EP400: variants seen among roughly 807,000 people sequenced by gnomAD.
EP400 encodes E1A-binding protein p400.
EP400 carries 105 observed loss-of-function variants against 354.1 expected under a neutral mutation model. That is an observed-to-expected ratio of 0.30 (90% CI 0.25 to 0.35). The LOEUF is 0.35. EP400 is among the 10% of genes least tolerant of loss of function. The probability of loss-of-function intolerance (pLI) is 1.00; values close to 1 mark genes in which losing one functional copy is unlikely to be tolerated. For synonymous variants in EP400, 1,646 were observed against 1,716.9 expected, an observed-to-expected ratio of 0.96 and a Z score of 1.02; for missense variants, 3,280 against 4,121.0, an observed-to-expected ratio of 0.80 and a Z score of 5.59.
intron 2 of EP400, among the ~76,000 whole-genome samples, chr12:131,978,441 A>G (rs959937351): frequency 6.6e-6 from 1 of 152,154 alleles, no homozygotes; most frequent in Non-Finnish European, 1.5e-5. Context: ...TTTTGTCTCT[A>G]TAGTTTTGCC....
chr12:132,014,432 C>T (rs1388741378), intron 19 of EP400, among the ~76,000 whole-genome samples: 1 of 152,174 alleles, frequency 6.6e-6, no homozygotes, highest in Admixed American at 6.5e-5. Flanking sequence ...GTGCTGGTGC[C>T]AGAAGCTGTG....
At chr12:131,991,487 A>G (rs1437911597) in intron 10 of EP400, 31 bp downstream of exon 10, 1 of 1,607,866 alleles carries the variant, frequency 6.2e-7, no homozygotes, top group African/African-American at 1.3e-5. Flanking sequence ...GTGCTGTGTG[A>G]GAAGGAGTAG....
chr12:131,974,882 C>T (rs895740153), intron 2 of EP400, among the ~76,000 whole-genome samples: 7 of 147,314 alleles, frequency 4.8e-5, no homozygotes, highest in Non-Finnish European at 7.4e-5. Context: ...TCCAGCTACT[C>T]GGGAGGCTGA....
Position 132,062,629 on chromosome 12 carries a change from G to A in EP400, c.8262G>A (p.Gln2754=), listed in dbSNP as rs1376974461. The A allele has an allele frequency of 1.2e-6, 2 of 1,613,990 alleles. No homozygotes were observed. Among genetic ancestry groups the A allele is most frequent in the South Asian group, 2.2e-5 (2 of 91,072 alleles). The change falls in exon 47 of 53, where the codon CAG becomes CAA. Residue 2754 remains glutamine, a synonymous_variant. Coordinates refer to ENST00000389561, the MANE Select transcript of EP400 (RefSeq NM_015409.5). ...AGCAACAGACGACGACGACCTCTCA[G>A]GTGCAAGTTCCACAGATCCAGGGCC... ...QQQQQTTTTS[Q]VQVPQIQGQA...
intron 47 of EP400, 79 bp from the exon 48 acceptor site, chr12:132,064,589 G>A (rs2136610569): frequency 7.1e-6 from 11 of 1,542,570 alleles, no homozygotes; most frequent in East Asian, 4.5e-5. Context: ...CAGTAGAGGG[G>A]TGGCTTAGGA....
At chr12:132,024,001 C>T in intron 24 of EP400, 60 bp downstream of exon 24, 1 of 1,471,668 alleles carries the variant, frequency 6.8e-7, no homozygotes. Flanking sequence ...TCACCATGAG[C>T]CCTGCTGCCC....
At chr12:131,980,907 C>T (rs1001166494) in intron 3 of EP400, among the ~76,000 whole-genome samples, 35 of 152,138 alleles carry the variant, frequency 2.3e-4, no homozygotes, top group Non-Finnish European at 1.2e-4. Flanking sequence ...TAGATCAAAG[C>T]GCAGATGTAG....
In EP400 at chr12:132,045,405, A is replaced by C; in HGVS notation, c.6871A>C (p.Lys2291Gln). Residue 2291 changes from lysine (K) to glutamine (Q), a missense_variant, in exon 38 of 53, where the codon AAA (lysine) becomes CAA (glutamine). Lys to Gln is a moderately conservative substitution (Grantham distance 53). Around this residue, in one of 20 missense-constraint regions of EP400, gnomAD observed 231 missense variants for 257.9 expected, o/e 0.90. Transcript: ENST00000389561. ...TGACCGCGCAACACCAGGACTTCTG[A>C]AAATTCGCAGAGAGGGCAAGGAGCA... The part of the protein sequence containing the change: ...LFDRATPGLL[K>Q]IRREGKEQKK... 6.2e-7 allele frequency: 1 copy of C among 1,614,246 alleles called. No individual in the cohort carries two copies. The highest frequency in any genetic ancestry group is 8.5e-7 in the Non-Finnish European group (1 of 1,180,044).
At chr12:131,953,448 C>A (rs999702438) in intron 1 of EP400, among the ~76,000 whole-genome samples, 20 of 152,262 alleles carry the variant, frequency 1.3e-4, no homozygotes, top group African/African-American at 4.8e-4. Context: ...ATTTAAAATC[C>A]TTGGAATTGT....
intron 24 of EP400, among the ~76,000 whole-genome samples, chr12:132,024,848 C>T (rs999996470): frequency 6.6e-6 from 1 of 151,686 alleles, no homozygotes; most frequent in Non-Finnish European, 1.5e-5. Context: ...CCCCACCTTC[C>T]CTCACCTTCC....
chr12:132,053,994 A>G (rs1444407135), intron 43 of EP400, among the ~76,000 whole-genome samples: 1 of 152,232 alleles, frequency 6.6e-6, no homozygotes, highest in African/African-American at 2.4e-5. Flanking sequence ...AAGCATGCCC[A>G]TGTGTGCTCC....
At chr12:132,055,505 T>TGTGTGTGTGAGGTGTAGGG (rs1335079898) in intron 45 of EP400, among the ~76,000 whole-genome samples, 2 of 120,298 alleles carry the variant, frequency 1.7e-5, no homozygotes, top group African/African-American at 6.7e-5. Context: ...GGTGTAGGTG[T>TGTGTGTGTGAGGTGTAGGG]GTGTGTGTGA....
chr12:131,989,105 T>C (rs1208219537), intron 7 of EP400, among the ~76,000 whole-genome samples: 1 of 151,422 alleles, frequency 6.6e-6, no homozygotes, highest in African/African-American at 2.4e-5. Context: ...AGGCTGGACA[T>C]GTGGATGCTG....
At chr12:132,066,690 G>A (rs974818365) in intron 48 of EP400, 84 bp from the exon 49 acceptor site, 5 of 1,388,942 alleles carry the variant, frequency 3.6e-6, no homozygotes, top group Non-Finnish European at 4.9e-6. Context: ...TTTTCTCATG[G>A]CATGACCTCT....
At chr12:132,026,296 C>T (rs950831079) in intron 25 of EP400, among the ~76,000 whole-genome samples, 1 of 152,174 alleles carries the variant, frequency 6.6e-6, no homozygotes, top group Non-Finnish European at 1.5e-5. Context: ...CCTCTGGAAC[C>T]CAGAGACCCG....
intron 2 of EP400, among the ~76,000 whole-genome samples, chr12:131,973,021 C>T (rs1056507123): frequency 3.3e-5 from 5 of 152,190 alleles, no homozygotes; most frequent in Admixed American, 2.0e-4. Context: ...CATGAGCCAC[C>T]ATGCCTGACT....
intron 52 of EP400, among the ~76,000 whole-genome samples, 165 bp from the exon 53 acceptor site, chr12:132,077,236 T>C (rs1273228058): frequency 2.0e-5 from 3 of 152,224 alleles, no homozygotes; most frequent in African/African-American, 4.8e-5. Context: ...TTGTGTTTAA[T>C]TGGAAACCAG....
intron 48 of EP400, chr12:132,066,239 T>C (rs969672557): frequency 6.5e-6 from 1 of 153,822 alleles, no homozygotes; most frequent in Non-Finnish European, 1.4e-5. Flanking sequence ...ATATGAGTAG[T>C]TTGAGGAGTG....
At chr12:131,989,368 ACGGCGTGTGCGCAGAGTC>A (rs1384996976) in intron 7 of EP400, among the ~76,000 whole-genome samples, 8 of 152,204 alleles carry the variant, frequency 5.3e-5, no homozygotes, top group Admixed American at 3.9e-4. Context: ...GAGTGGGAAC[ACGGCGTGTGCGCAGAGTC>A]CTGGCGGTAG....
Sources: gnomAD v4.1 joint callset for allele counts (sites outside exome capture counted in the v4.1 genomes callset) on GRCh38, gnomAD v4.1.1 for gene constraint, gnomAD v4.1.1 regional missense constraint, MANE v1.5 for transcripts, NCBI Gene and HGNC (gene_info 2026-07-23, HGNC 2026-07-21) for gene names.